Variants in ATP6V0A4 observed in about 807,000 individuals in gnomAD.
ATP6V0A4 encodes V-type proton ATPase 116 kDa subunit a 4.
ATP6V0A4 carries 86 observed loss-of-function variants against 107.3 expected under a neutral mutation model. The ratio of observed to expected loss-of-function variants is 0.80; its 90% CI spans 0.67 to 0.96. The LOEUF (loss-of-function observed/expected upper bound fraction) is 0.96. ATP6V0A4 is among the 40% of genes least tolerant of loss of function. The pLI, the probability that ATP6V0A4 is intolerant of heterozygous loss-of-function variation, is 0.00. For missense variants in ATP6V0A4, 908 were observed against 1,045.6 expected (o/e 0.87, Z 1.81); for synonymous variants, 353 against 381.4 (o/e 0.93, Z 0.87).
chr7:138,707,133 TACATCA>T (rs1288365819), intron 21 of ATP6V0A4, among the ~76,000 whole-genome samples: 40 of 96,638 alleles, frequency 4.1e-4, no homozygotes, highest in Middle Eastern at 4.2e-3. Context: ...ATATTATATA[TACATCA>T]ATATTAATAT....
chr7:138,756,447 C>T lies in ATP6V0A4; in HGVS notation c.722+11G>A, dbSNP rs1466256675. 3.7e-6 allele frequency: 6 copies of T among 1,613,624 alleles called. No homozygotes were observed. The highest frequency in any genetic ancestry group is 1.1e-5 in the South Asian group (1 of 91,078). ...AAATCACTGAAGAAAGAGCCATTCA[C>T]TCCCTCTTACCCATCACAGATCTTC... On this transcript the variant is annotated intron_variant, in intron 9 of 21. Transcript: ENST00000310018.
At chr7:138,770,412 A>G (rs957519541) in intron 3 of ATP6V0A4, among the ~76,000 whole-genome samples, 4 of 152,152 alleles carry the variant, frequency 2.6e-5, no homozygotes, top group Non-Finnish European at 5.9e-5. Context: ...GCTCCATGTA[A>G]CGTATCACAG....
chr7:138,766,816 CAT>C (rs902541344), intron 5 of ATP6V0A4, among the ~76,000 whole-genome samples: 5 of 152,166 alleles, frequency 3.3e-5, no homozygotes, highest in Non-Finnish European at 7.3e-5. Flanking sequence ...AAAAGCAGCA[CAT>C]GTTACCTGTT....
intron 16 of ATP6V0A4, among the ~76,000 whole-genome samples, chr7:138,733,867 C>T (rs1805163944): frequency 6.6e-6 from 1 of 152,120 alleles, no homozygotes; most frequent in Non-Finnish European, 1.5e-5. Flanking sequence ...TGAGACACCG[C>T]ACCTGGCCTC....
rs369596323 is a variant in ATP6V0A4, at chr7:138,721,924, G to T, written c.2112C>A (p.His704Gln). 39 of 1,614,040 alleles carry T rather than the reference G, an allele frequency of 2.4e-5. No homozygotes were observed. The African/African-American group carries it at 5.1e-4, about 21-fold the overall frequency. ...CTTCTCCATGGTCGTCCAGAGCCCC[G>T]TGGGTATCTGCAGAAGTCCTCTGGC... ...RSGQRTSADT[H>Q]GALDDHGEEF... The change falls in exon 19 of 22, where the codon CAC (histidine) becomes CAA (glutamine). Residue 704 changes from histidine (H) to glutamine (Q), a missense_variant. Transcript: ENST00000310018.
At chr7:138,790,793 C>T (rs12669417) in intron 1 of ATP6V0A4, among the ~76,000 whole-genome samples, 55,997 of 152,000 alleles carry the variant, frequency 0.37, 11,780 homozygotes, top group South Asian at 0.51. Context: ...TGACACACAT[C>T]GTCTCAATTC....
chr7:138,793,238 T>C lies in ATP6V0A4; in HGVS notation c.-121+4796A>G, dbSNP rs1808507005. ...TGGACCCGGGAGGTGGAAGTTGCAG[T>C]GAGCCGAGATCGTGCCACTGCATTC... is the stretch of plus-strand genomic sequence containing the variant. On this transcript the variant is annotated intron_variant, in intron 1 of 21. Coordinates refer to ENST00000310018, the MANE Select transcript of ATP6V0A4 (RefSeq NM_020632.3). 2.6e-5 allele frequency among the ~76,000 whole-genome samples: 4 copies of C among 152,070 alleles called. No individual in the cohort carries two copies. The South Asian group carries it at 8.3e-4, about 32-fold the overall frequency.
At chr7:138,785,042 C>T (rs750051308) in intron 2 of ATP6V0A4, among the ~76,000 whole-genome samples, 9 of 152,102 alleles carry the variant, frequency 5.9e-5, no homozygotes, top group Non-Finnish European at 1.2e-4. Context: ...TGTACAAGAT[C>T]AATTTACAGG....
In ATP6V0A4 at chr7:138,762,999, C is replaced by G; in HGVS notation, c.318G>C (p.Glu106Asp). The change falls in exon 6 of 22, where the codon GAG becomes GAC. Residue 106 changes from glutamate to aspartate, a missense_variant. Transcript: ENST00000310018. ...LETVLEKLEG[E>D]LQEANQNQQA... is the part of the protein sequence containing the mutation. Reference sequence around the variant, plus strand: ...GCTGGTTCTGGTTGGCTTCCTGTAACTCTCCTTCCAGTTTTTCTAGAACAG... The same window carrying G: ...GCTGGTTCTGGTTGGCTTCCTGTAAGTCTCCTTCCAGTTTTTCTAGAACAG... 1.2e-6 allele frequency: 2 copies of G among 1,614,076 alleles called. No homozygotes were observed. The highest frequency in any genetic ancestry group is 2.2e-5 in the South Asian group (2 of 91,086).
At chr7:138,794,989 C>G (rs1808590369) in intron 1 of ATP6V0A4, among the ~76,000 whole-genome samples, 1 of 152,036 alleles carries the variant, frequency 6.6e-6, no homozygotes, top group African/African-American at 2.4e-5. Context: ...CCTCCACCTC[C>G]CCAGTTCAAG....
At chr7:138,739,705 T>A (rs2117257189) in intron 14 of ATP6V0A4, 72 bp from the exon 15 acceptor site, 5 of 1,583,162 alleles carry the variant, frequency 3.2e-6, no homozygotes, top group Non-Finnish European at 4.3e-6. Context: ...ATACCACCAG[T>A]CACGAACTTG....
At chr7:138,768,027 G>A (rs1052511242) in intron 5 of ATP6V0A4, among the ~76,000 whole-genome samples, 3 of 152,098 alleles carry the variant, frequency 2.0e-5, no homozygotes, top group Admixed American at 1.3e-4. Context: ...TCTGCGTCCC[G>A]GATTCAAGCG....
At chr7:138,778,906 A>G in intron 2 of ATP6V0A4, among the ~76,000 whole-genome samples, 1 of 152,182 alleles carries the variant, frequency 6.6e-6, no homozygotes, top group Non-Finnish European at 1.5e-5. Context: ...TTGATGGTGA[A>G]GATCACATGC....
intron 20 of ATP6V0A4, among the ~76,000 whole-genome samples, chr7:138,714,075 CAAA>C (rs35801199): frequency 1.2e-4 from 13 of 112,264 alleles, no homozygotes; most frequent in East Asian, 2.3e-4. Flanking sequence ...CTACCTCTAC[CAAA>C]AAAAAAAAAA....
At chr7:138,715,357 T>C (rs1226291763) in intron 20 of ATP6V0A4, among the ~76,000 whole-genome samples, 1 of 152,124 alleles carries the variant, frequency 6.6e-6, no homozygotes, top group Non-Finnish European at 1.5e-5. Context: ...CCCGCCACCA[T>C]GCCCAGCTAA....
At chr7:138,739,514 T>C (rs1301660039) in intron 15 of ATP6V0A4, 26 bp downstream of exon 15, 26 of 1,612,802 alleles carry the variant, frequency 1.6e-5, no homozygotes, top group Non-Finnish European at 2.2e-5. Flanking sequence ...ACATAAGAAA[T>C]ATTTAACCCA....
chr7:138,782,596 G>A (rs766232138), intron 2 of ATP6V0A4, among the ~76,000 whole-genome samples: 8 of 152,186 alleles, frequency 5.3e-5, no homozygotes, highest in Non-Finnish European at 8.8e-5. Flanking sequence ...ACAGAGGGAG[G>A]AGGATAATCA....
chr7:138,796,946 G>A (rs1270712288), intron 1 of ATP6V0A4, among the ~76,000 whole-genome samples: 5 of 152,186 alleles, frequency 3.3e-5, no homozygotes, highest in African/African-American at 1.2e-4. Context: ...AATCTCTACA[G>A]AACCTTCCCC....
At chr7:138,775,936 C>T (rs1362732343) in intron 2 of ATP6V0A4, among the ~76,000 whole-genome samples, 1 of 152,152 alleles carries the variant, frequency 6.6e-6, no homozygotes, top group African/African-American at 2.4e-5. Flanking sequence ...AGGCGTGAGC[C>T]ACCGTGCTCA....
Sources: gnomAD v4.1 joint callset for allele counts (sites outside exome capture counted in the v4.1 genomes callset) on GRCh38, gnomAD v4.1.1 for gene constraint, MANE v1.5 for transcripts, NCBI Gene and HGNC (gene_info 2026-07-23, HGNC 2026-07-21) for gene names.